Variants in CNNM2 observed in about 807,000 individuals in gnomAD.
CNNM2 encodes the protein metal transporter CNNM2.
In CNNM2, 12 loss-of-function variants were observed where a neutral mutation model predicts 66.9. The observed-to-expected ratio is 0.18, with a 90% CI of 0.11 to 0.29. CNNM2 has a LOEUF of 0.29. Ranked by LOEUF, CNNM2 falls within the 10% of genes least tolerant of loss-of-function variation. The pLI is 1.00. For missense variants in CNNM2, 705 were observed against 1,167.7 expected, an observed-to-expected ratio of 0.60 and a Z score of 5.77; for synonymous variants, 557 against 501.8, an observed-to-expected ratio of 1.11 and a Z score of -1.47.
intron 1 of CNNM2, among the ~76,000 whole-genome samples, chr10:102,962,723 T>TGG (rs1204507323): frequency 1.3e-5 from 2 of 148,732 alleles, no homozygotes; most frequent in East Asian, 3.9e-4. Context: ...TGTGTGTGTG[T>TGG]GTGTGTGTAT....
chr10:103,027,406 T>C (rs1322954861), intron 1 of CNNM2: 1 of 152,206 alleles, frequency 6.6e-6, no homozygotes, highest in African/African-American at 2.4e-5. Context: ...GCTTCCTTCA[T>C]GGGCCGCCCT....
At chr10:103,025,592 C>G (rs902609590) in intron 1 of CNNM2, among the ~76,000 whole-genome samples, 3 of 152,198 alleles carry the variant, frequency 2.0e-5, no homozygotes, top group Non-Finnish European at 4.4e-5. Context: ...AAGTAGGACC[C>G]AGGCATTTTC....
chr10:103,003,985 ATTTTTTTT>A (rs869152743), intron 1 of CNNM2, among the ~76,000 whole-genome samples: 1 of 83,998 alleles, frequency 1.2e-5, no homozygotes, highest in Non-Finnish European at 2.2e-5. Context: ...CATTGCATGA[ATTTTTTTT>A]TTTTTTTTTT....
In CNNM2 at chr10:103,080,863, G is replaced by T. The variant is rs568611244; in HGVS notation, c.*3683G>T. On this transcript the variant is annotated 3_prime_UTR_variant, in exon 8 of 8. Coordinates refer to ENST00000369878, the MANE Select transcript of CNNM2 (RefSeq NM_017649.5). ...TTCTGCCCTCAAATTCTCTCTTTGG[G>T]TTGAGGAGCAGACCTGTATAGGCCC... 57 of 152,328 alleles carry T rather than the reference G, an allele frequency of 3.7e-4. No individual in the cohort carries two copies. The highest frequency in any genetic ancestry group is 1.4e-3 in the African/African-American group (57 of 41,560). 9.4% of individuals were successfully genotyped at this position (152,328 alleles called of 1,614,324 possible). A position where few individuals can be genotyped will look rare whatever the true frequency, so the allele number is the denominator to read the frequency against.
Position 102,926,109 on chromosome 10 carries a change from A to G in CNNM2, c.1621+6008A>G, listed in dbSNP as rs150290028. Among the ~76,000 whole-genome samples the G allele has an allele frequency of 7.3e-4, 111 of 152,322 alleles. 1 individual carries two copies. Among genetic ancestry groups the G allele is most frequent in the African/African-American group, 2.6e-3 (108 of 41,564 alleles). ...CTGTTCACAGTACATACAGATCTGT[A>G]AAATTTCCATGGAAATGTTCATCAA... On this transcript the variant is annotated intron_variant, in intron 1 of 7. Transcript: ENST00000369878.
At chr10:102,949,042 G>A (rs1227353637) in intron 1 of CNNM2, among the ~76,000 whole-genome samples, 1 of 152,196 alleles carries the variant, frequency 6.6e-6, no homozygotes, top group African/African-American at 2.4e-5. Context: ...AGAGAACCTT[G>A]AGTTTGGAGA....
chr10:103,008,766 G>A (rs1429161382), intron 1 of CNNM2, among the ~76,000 whole-genome samples: 2 of 111,198 alleles, frequency 1.8e-5, no homozygotes, highest in South Asian at 6.2e-4. Flanking sequence ...GTGACAGAGC[G>A]AGACCCTGTC....
intron 1 of CNNM2, among the ~76,000 whole-genome samples, chr10:103,001,307 TA>T (rs754454740): frequency 6.6e-6 from 1 of 152,162 alleles, no homozygotes; most frequent in East Asian, 1.9e-4. Flanking sequence ...ACTGTACAGT[TA>T]AAAAAATGGT....
chr10:102,925,347 T>C (rs1404002965), intron 1 of CNNM2, among the ~76,000 whole-genome samples: 1 of 111,908 alleles, frequency 8.9e-6, no homozygotes, highest in African/African-American at 3.4e-5. Context: ...GGTCACTTAA[T>C]AAGAGTAAGG....
rs1411034809 is a variant in CNNM2, at chr10:103,088,757, C to G, written c.*11577C>G. 1 of 180,342 alleles carries G rather than the reference C, an allele frequency of 5.5e-6. No individual in the cohort carries two copies. Among genetic ancestry groups the G allele is most frequent in the Non-Finnish European group, 1.2e-5 (1 of 84,342 alleles). The allele number at this position is 180,342 out of a possible 1,614,324, so 11.2% of individuals were successfully genotyped here. A position where few individuals can be genotyped will look rare whatever the true frequency, so the allele number is the denominator to read the frequency against. ...TCTACTTTAGTAAGGTTCTGGCTTA[C>G]AGAGCCCTCTTCCCATCCTCTGATG... On this transcript the variant is annotated 3_prime_UTR_variant, in exon 8 of 8. Transcript: ENST00000369878.
Position 102,920,927 on chromosome 10 carries a change from T to C in CNNM2, c.1621+826T>C, listed in dbSNP as rs137992738. 1.5e-3 allele frequency: 319 copies of C among 208,752 alleles called. 3 individuals are homozygous for C. Among genetic ancestry groups the C allele is most frequent in the Non-Finnish European group, 7.7e-4 (92 of 119,734 alleles). The allele number at this position is 208,752 out of a possible 1,614,324, so 12.9% of individuals were successfully genotyped here. A position where few individuals can be genotyped will look rare whatever the true frequency, so the allele number is the denominator to read the frequency against. On this transcript the variant is annotated intron_variant, in intron 1 of 7. Coordinates refer to ENST00000369878, the MANE Select transcript of CNNM2 (RefSeq NM_017649.5). The stretch of plus-strand genomic sequence containing the variant: ...TGATTTTGGCAGAAAGCTTGAACCT[T>C]TAACAGTGGGATGAATCCCTCTATT...
chr10:103,005,624 G>A (rs1370710748), intron 1 of CNNM2, among the ~76,000 whole-genome samples: 2 of 152,112 alleles, frequency 1.3e-5, no homozygotes, highest in East Asian at 1.9e-4. Flanking sequence ...ACTCCAACCT[G>A]GGCAACAAGA....
intron 1 of CNNM2, among the ~76,000 whole-genome samples, chr10:102,950,213 G>T (rs1846776387): frequency 6.6e-6 from 1 of 152,148 alleles, no homozygotes; most frequent in Non-Finnish European, 1.5e-5. Flanking sequence ...AGGCAAAAAT[G>T]TCTAGAAAAT....
chr10:103,045,412 G>C (rs2065111706), intron 1 of CNNM2, among the ~76,000 whole-genome samples: 2 of 152,190 alleles, frequency 1.3e-5, no homozygotes, highest in South Asian at 2.1e-4. Flanking sequence ...AGCTGACTTA[G>C]ACTGCCAAGT....
intron 1 of CNNM2, among the ~76,000 whole-genome samples, chr10:102,993,189 G>A (rs2063928367): frequency 6.6e-6 from 1 of 152,174 alleles, no homozygotes; most frequent in Non-Finnish European, 1.5e-5. Flanking sequence ...CCATCATTAT[G>A]TTTACTTATG....
chr10:103,018,447 C>T (rs1412437837), intron 1 of CNNM2, among the ~76,000 whole-genome samples: 1 of 152,078 alleles, frequency 6.6e-6, no homozygotes, highest in African/African-American at 2.4e-5. Flanking sequence ...GAGGAATGAT[C>T]TGGAGGGAGA....
chr10:102,995,735 T>G (rs1254913203), intron 1 of CNNM2, among the ~76,000 whole-genome samples: 1 of 152,096 alleles, frequency 6.6e-6, no homozygotes, highest in Non-Finnish European at 1.5e-5. Flanking sequence ...ATTTAAAGTT[T>G]TTTTTTTTGA....
Position 102,940,117 on chromosome 10 carries a change from T to A in CNNM2, c.1621+20016T>A, listed in dbSNP as rs575272543. Among the ~76,000 whole-genome samples, 60 of 152,290 alleles carry A rather than the reference T, an allele frequency of 3.9e-4. No individual in the cohort carries two copies. The South Asian group carries it at 0.011, about 28-fold the overall frequency. On this transcript the variant is annotated intron_variant, in intron 1 of 7. Transcript: ENST00000369878. Reference sequence around the variant, plus strand: ...CTTTTCCATTCTGTATCTTCTTTTTTAAAAATTTTTATTTTTAGTAGATGT... The same window carrying A: ...CTTTTCCATTCTGTATCTTCTTTTTAAAAAATTTTTATTTTTAGTAGATGT...
In CNNM2 at chr10:103,089,610, T is replaced by G; in HGVS notation, c.*12430T>G. 1 of 1,494,174 alleles carries G rather than the reference T, an allele frequency of 6.7e-7. No individual in the cohort carries two copies. 92.6% of individuals were successfully genotyped at this position (1,494,174 alleles called of 1,614,324 possible). ...GAGTAGAACCCTAACAGGGACCTCG[T>G]TTGTTCCTGTGAGTCCTGCCAGGAC... is the stretch of plus-strand genomic sequence containing the variant. On this transcript the variant is annotated 3_prime_UTR_variant, in exon 8 of 8. Coordinates refer to ENST00000369878, the MANE Select transcript of CNNM2 (RefSeq NM_017649.5).
Sources: allele counts gnomAD v4.1 joint callset (sites outside exome capture counted in the v4.1 genomes callset), GRCh38; gene constraint gnomAD v4.1.1; transcripts MANE v1.5; gene names NCBI Gene and HGNC (gene_info 2026-07-23, HGNC 2026-07-21).